PALB2: variants seen among roughly 807,000 people sequenced by gnomAD.
PALB2 encodes partner and localizer of BRCA2.
In PALB2, 82 loss-of-function variants were observed where a neutral mutation model predicts 107.4. That is an observed-to-expected ratio of 0.76 (90% confidence interval 0.64 to 0.92). The LOEUF (loss-of-function observed/expected upper bound fraction) is 0.92. Among genes scored for constraint, PALB2 ranks in the 40% least tolerant of loss-of-function variants. The pLI, the probability that PALB2 is intolerant of heterozygous loss-of-function variation, is 0.00. For synonymous variants in PALB2, 489 were observed against 496.8 expected, an observed-to-expected ratio of 0.98 and a Z score of 0.21; for missense variants, 1,374 against 1,379.9, an observed-to-expected ratio of 1.00 and a Z score of 0.07.
At chr16:23,619,553 G>A (rs1025204782) in intron 10 of PALB2, among the ~76,000 whole-genome samples, 5 of 151,792 alleles carry the variant, frequency 3.3e-5, no homozygotes, top group Admixed American at 2.6e-4. Context: ...TAGTAGAGAC[G>A]CCACACTTAT....
At chr16:23,613,086 A>G (rs1397571493) in intron 11 of PALB2, among the ~76,000 whole-genome samples, 1 of 152,072 alleles carries the variant, frequency 6.6e-6, no homozygotes, top group Non-Finnish European at 1.5e-5. Flanking sequence ...TTATGTGCAC[A>G]AAGTATATAA....
At chr16:23,605,906 G>A (rs1020775205) in intron 12 of PALB2, 2 of 152,222 alleles carry the variant, frequency 1.3e-5, no homozygotes, top group Non-Finnish European at 2.9e-5. Flanking sequence ...GCTCTCACCA[G>A]ACAGTGAATC....
At chr16:23,626,630 G>A (rs1966843305) in intron 6 of PALB2, among the ~76,000 whole-genome samples, 1 of 151,786 alleles carries the variant, frequency 6.6e-6, no homozygotes, top group Non-Finnish European at 1.5e-5. Context: ...TTTAATTTTT[G>A]GGTGTTTTTG....
intron 1 of PALB2, among the ~76,000 whole-genome samples, chr16:23,639,221 C>T (rs1182804288): frequency 6.6e-6 from 1 of 151,990 alleles, no homozygotes; most frequent in Admixed American, 6.6e-5. Flanking sequence ...TCCATACATG[C>T]CTTTTTTAAA....
chr16:23,629,316 T>C, intron 5 of PALB2, 41 bp from the exon 6 acceptor site: 3 of 1,530,542 alleles, frequency 2.0e-6, no homozygotes, highest in African/African-American at 1.4e-5. Flanking sequence ...ACACTTTATG[T>C]ATAATGTCTG....
At chr16:23,613,447 A>G (rs1191776184) in intron 11 of PALB2, among the ~76,000 whole-genome samples, 2 of 151,968 alleles carry the variant, frequency 1.3e-5, no homozygotes, top group African/African-American at 4.8e-5. Context: ...AGTTCGAGAC[A>G]AGCCTGGCCA....
intron 3 of PALB2, among the ~76,000 whole-genome samples, chr16:23,636,681 A>G (rs913176793): frequency 6.6e-6 from 1 of 152,210 alleles, no homozygotes; most frequent in Non-Finnish European, 1.5e-5. Flanking sequence ...CATATAAACA[A>G]ACAGCATTGT....
At chr16:23,606,342 T>C (rs1030275168) in intron 12 of PALB2, among the ~76,000 whole-genome samples, 1 of 151,084 alleles carries the variant, frequency 6.6e-6, no homozygotes, top group African/African-American at 2.4e-5. Flanking sequence ...GGAGGCAGAG[T>C]TGCAGTGAGC....
chr16:23,638,153 A>G (rs766273625), intron 1 of PALB2, 24 bp from the exon 2 acceptor site: 5 of 1,597,042 alleles, frequency 3.1e-6, no homozygotes, highest in Non-Finnish European at 3.4e-6. Context: ...AACACCAACA[A>G]TACTGGGCAA....
intron 9 of PALB2, 80 bp from the exon 10 acceptor site, chr16:23,621,558 G>A (rs1003734915): frequency 1.2e-6 from 1 of 861,996 alleles, no homozygotes; most frequent in South Asian, 1.4e-5. Flanking sequence ...TTGTTGAACT[G>A]CATAATATAA....
At chr16:23,610,118 A>G (rs1966557347) in intron 11 of PALB2, among the ~76,000 whole-genome samples, 1 of 152,246 alleles carries the variant, frequency 6.6e-6, no homozygotes, top group South Asian at 2.1e-4. Context: ...ATAAAGTTTT[A>G]TTAGAACACA....
At chr16:23,623,193 A>T (rs2142338761) in intron 8 of PALB2, 63 bp from the exon 9 acceptor site, 138 of 1,087,522 alleles carry the variant, frequency 1.3e-4, no homozygotes, top group Middle Eastern at 4.5e-4. Flanking sequence ...TTAAAGGACT[A>T]GGTTCACTTT....
rs779003246 is a variant in PALB2, at chr16:23,607,938, G to A, written c.3276C>T (p.Leu1092=). 8 of 1,613,970 alleles carry A rather than the reference G, an allele frequency of 5.0e-6. No individual in the cohort carries two copies. Among genetic ancestry groups the A allele is most frequent in the African/African-American group, 4.0e-5 (3 of 74,896 alleles). The change falls in exon 12 of 13, where the codon CTC becomes CTT. Residue 1092 remains leucine, a synonymous_variant. Transcript: ENST00000261584. ...GAGTCGTCTTAGGGTTAATCACAAT[G>A]AGCTGAAACACAGGGCTTCGCAACG... ...SESLRSPVFQ[L]IVINPKTTLS... is the part of the protein sequence containing the mutation.
At chr16:23,633,347 T>C (rs916532618) in intron 4 of PALB2, among the ~76,000 whole-genome samples, 13 of 152,312 alleles carry the variant, frequency 8.5e-5, no homozygotes, top group Admixed American at 6.5e-5. Flanking sequence ...TAAAGGTGCG[T>C]TGGAACACAG....
At chr16:23,606,679 C>T (rs1256959629) in intron 12 of PALB2, among the ~76,000 whole-genome samples, 1 of 151,778 alleles carries the variant, frequency 6.6e-6, no homozygotes, top group Non-Finnish European at 1.5e-5. Flanking sequence ...GCACGCACTA[C>T]CATGCCCAGC....
chr16:23,616,545 T>C (rs1272850060), intron 10 of PALB2, among the ~76,000 whole-genome samples: 2 of 152,166 alleles, frequency 1.3e-5, no homozygotes, highest in Non-Finnish European at 1.5e-5. Flanking sequence ...TGTACTGAAA[T>C]TGTAGGCTTT....
rs879254250 is a variant in PALB2, at chr16:23,635,252, G to A, written c.1294C>T (p.His432Tyr). The stretch of plus-strand genomic sequence containing the variant: ...AACCCTTTTTTCTTGACATCCAAAT[G>A]ACTCTGAATGACAGCCTCCACGGCT... ...KVAVEAVIQS[H>Y]LDVKKKGFKN... is the part of the protein sequence containing the mutation. Residue 432 changes from histidine (H) to tyrosine (Y), a missense_variant, in exon 4 of 13, where the codon CAT becomes TAT. Transcript: ENST00000261584. 6.2e-7 allele frequency: 1 copy of A among 1,614,038 alleles called. No homozygotes were observed. The highest frequency in any genetic ancestry group is 1.1e-5 in the South Asian group (1 of 91,066).
At position 23,635,343 on chromosome 16, in the gene PALB2, G is replaced by A. The variant is rs1418142337; in HGVS notation, c.1203C>T (p.Gly401=). ...AEKHSCTVPE[G]LLFPAEYYVR... is the part of the protein sequence containing the mutation. Reference sequence around the variant, plus strand: ...CATAATATTCTGCAGGAAACAGAAGGCCTTCAGGCACTGTGCAAGAATGTT... The same window carrying A: ...CATAATATTCTGCAGGAAACAGAAGACCTTCAGGCACTGTGCAAGAATGTT... Residue 401 remains glycine (G), a synonymous_variant, in exon 4 of 13, where the codon GGC becomes GGT. Transcript: ENST00000261584. 2 of 1,613,994 alleles carry A rather than the reference G, an allele frequency of 1.2e-6. No individual in the cohort carries two copies. Among genetic ancestry groups the A allele is most frequent in the South Asian group, 2.2e-5 (2 of 91,090 alleles).
intron 1 of PALB2, 152 bp downstream of exon 1, chr16:23,640,958 C>T (rs1967220919): frequency 1.2e-6 from 1 of 840,098 alleles, no homozygotes; most frequent in Non-Finnish European, 1.9e-6. Flanking sequence ...GCTATTTCCA[C>T]ATTTTCATTT....
Sources: gnomAD v4.1 joint callset for allele counts (sites outside exome capture counted in the v4.1 genomes callset) on GRCh38, gnomAD v4.1.1 for gene constraint, MANE v1.5 for transcripts, NCBI Gene and HGNC (gene_info 2026-07-23, HGNC 2026-07-21) for gene names.